The following KANK1 variants were observed in gnomAD, a reference collection of about 807,000 sequenced individuals.
KANK1 encodes KN motif and ankyrin repeat domain-containing protein 1.
In KANK1, 109 loss-of-function variants were observed where a neutral mutation model predicts 106.2. The observed-to-expected ratio is 1.03, with a 90% CI of 0.88 to 1.20. The LOEUF (loss-of-function observed/expected upper bound fraction) is 1.20. Ranked by LOEUF, KANK1 falls within the 50% of genes most tolerant of loss-of-function variation. KANK1 has a pLI of 0.00. For synonymous variants in KANK1, 873 were observed against 652.2 expected, an observed-to-expected ratio of 1.34 and a Z score of -5.16; for missense variants, 2,399 against 1,710.7, an observed-to-expected ratio of 1.40 and a Z score of -7.10.
chr9:558,604 G>A (rs1333042400), intron 1 of KANK1, among the ~76,000 whole-genome samples: 2 of 151,822 alleles, frequency 1.3e-5, no homozygotes, highest in African/African-American at 4.8e-5. Context: ...TCATGGCCTT[G>A]TTGTGATTAA....
At chr9:680,366 A>G (rs1476291952) in intron 2 of KANK1, among the ~76,000 whole-genome samples, 2 of 149,598 alleles carry the variant, frequency 1.3e-5, no homozygotes, top group African/African-American at 4.9e-5. Context: ...ACAACCTTTT[A>G]TACTCTGACT....
chr9:545,551 G>A (rs1469961150), intron 1 of KANK1, among the ~76,000 whole-genome samples: 1 of 152,014 alleles, frequency 6.6e-6, no homozygotes, highest in African/African-American at 2.4e-5. Context: ...TGGACAGAAA[G>A]GGTGGAGGAA....
intron 1 of KANK1, among the ~76,000 whole-genome samples, chr9:579,260 G>C (rs373653868): frequency 6.6e-6 from 1 of 152,130 alleles, no homozygotes; most frequent in African/African-American, 2.4e-5. Flanking sequence ...GCACAGCTGG[G>C]TATTAGCTTG....
At chr9:679,945 T>C (rs1817200728) in intron 2 of KANK1, among the ~76,000 whole-genome samples, 1 of 152,104 alleles carries the variant, frequency 6.6e-6, no homozygotes, top group Admixed American at 6.5e-5. Flanking sequence ...ATGTAAGAGA[T>C]GCGGGTTATA....
intron 1 of KANK1, among the ~76,000 whole-genome samples, chr9:515,526 T>G (rs890586214): frequency 6.6e-6 from 1 of 151,818 alleles, no homozygotes; most frequent in African/African-American, 2.4e-5. Context: ...CAGAAGTTTA[T>G]GGATAACTCT....
At chr9:525,341 G>A (rs2059739992) in intron 1 of KANK1, among the ~76,000 whole-genome samples, 1 of 139,476 alleles carries the variant, frequency 7.2e-6, no homozygotes. Context: ...GACAGAATAT[G>A]TATACATACG....
intron 1 of KANK1, among the ~76,000 whole-genome samples, chr9:560,236 G>A (rs1358679730): frequency 1.3e-5 from 2 of 152,200 alleles, no homozygotes; most frequent in East Asian, 3.8e-4. Flanking sequence ...GTTGTTGTTA[G>A]AGGATATCAG....
intron 1 of KANK1, among the ~76,000 whole-genome samples, chr9:504,964 G>C (rs1175847479): frequency 2.0e-5 from 3 of 150,968 alleles, no homozygotes; most frequent in Non-Finnish European, 4.4e-5. Flanking sequence ...CGGTCCTGGG[G>C]GGGGGTCCGA....
At chr9:702,999 T>A (rs1384457609) in intron 2 of KANK1, among the ~76,000 whole-genome samples, 1 of 152,134 alleles carries the variant, frequency 6.6e-6, no homozygotes, top group Admixed American at 6.5e-5. Context: ...TGTTGTTTTT[T>A]GGGGTTTTTT....
In KANK1 at chr9:516,245, C is replaced by A. The variant is rs1359122458; in HGVS notation, c.-84+11491C>A. On this transcript the variant is annotated intron_variant, in intron 1 of 11. Transcript: ENST00000382297. ...TGACCTTGGAGGCAGAATAAGATTTCTCTGCCTCCAGAGACACCAAACTTT... is the reference window on the plus strand; with the variant it reads ...TGACCTTGGAGGCAGAATAAGATTTATCTGCCTCCAGAGACACCAAACTTT... Among the ~76,000 whole-genome samples the A allele has an allele frequency of 2.0e-5, 3 of 151,534 alleles. 1 individual carries two copies. Among genetic ancestry groups the A allele is most frequent in the African/African-American group, 7.3e-5 (3 of 40,878 alleles).
chr9:584,365 A>G (rs893612100), intron 1 of KANK1, among the ~76,000 whole-genome samples: 1 of 152,194 alleles, frequency 6.6e-6, no homozygotes, highest in African/African-American at 2.4e-5. Flanking sequence ...ACAAAGTGCT[A>G]ATTATCCTCA....
intron 2 of KANK1, among the ~76,000 whole-genome samples, chr9:683,116 G>A (rs770801828): frequency 3.9e-5 from 6 of 152,146 alleles, no homozygotes; most frequent in African/African-American, 9.7e-5. Flanking sequence ...GTGTGCGCCC[G>A]TGGTGGTGAG....
At chr9:506,598 C>G (rs1380491084) in intron 1 of KANK1, among the ~76,000 whole-genome samples, 1 of 152,000 alleles carries the variant, frequency 6.6e-6, no homozygotes, top group Non-Finnish European at 1.5e-5. Flanking sequence ...AAAGACTAGG[C>G]TTAAAAGTAA....
In KANK1 at chr9:652,283, G is replaced by C. The variant is rs141844591; in HGVS notation, c.-83-24607G>C. ...CTCCTGTAATCCCAGCACTTTGGGAGGCTAAGGCGGGTGGATCATCTGAGG... is the reference window on the plus strand; with the variant it reads ...CTCCTGTAATCCCAGCACTTTGGGACGCTAAGGCGGGTGGATCATCTGAGG... On this transcript the variant is annotated intron_variant, in intron 1 of 11. Coordinates refer to ENST00000382297, the MANE Select transcript of KANK1 (RefSeq NM_015158.5). Among the ~76,000 whole-genome samples the C allele has an allele frequency of 9.1e-3, 1,391 of 152,284 alleles. 11 individuals carry two copies. Among genetic ancestry groups the C allele is most frequent in the Non-Finnish European group, 0.016 (1,075 of 68,028 alleles).
intron 1 of KANK1, among the ~76,000 whole-genome samples, chr9:551,405 C>G (rs558621403): frequency 6.6e-6 from 1 of 152,026 alleles, no homozygotes; most frequent in Non-Finnish European, 1.5e-5. Flanking sequence ...AGTTTAAATT[C>G]AGAGGGTCCG....
intron 1 of KANK1, among the ~76,000 whole-genome samples, chr9:666,535 A>G (rs1844626853): frequency 6.6e-6 from 1 of 152,106 alleles, no homozygotes; most frequent in Non-Finnish European, 1.5e-5. Flanking sequence ...CTTAGTGGAA[A>G]GCCTTTTAGG....
chr9:585,370 A>G (rs1380782783), intron 1 of KANK1, among the ~76,000 whole-genome samples: 1 of 152,212 alleles, frequency 6.6e-6, no homozygotes, highest in Non-Finnish European at 1.5e-5. Context: ...CTTAGAATTC[A>G]TATCTGGCTT....
Position 693,703 on chromosome 9 carries a change from G to T in KANK1, c.37+16694G>T, listed in dbSNP as rs575339045. 5 of 985,314 alleles carry T rather than the reference G, an allele frequency of 5.1e-6. No homozygotes were observed. The African/African-American group carries it at 7.0e-5, about 14-fold the overall frequency. 61.0% of individuals were successfully genotyped at this position (985,314 alleles called of 1,614,324 possible). Reference sequence around the variant, plus strand: ...CTGGGCTCTTTGCCTGCTAATGTGTGGAGTCCCTTTAATGCTGAGGGAAGT... The same window carrying T: ...CTGGGCTCTTTGCCTGCTAATGTGTTGAGTCCCTTTAATGCTGAGGGAAGT... On this transcript the variant is annotated intron_variant, in intron 2 of 11. Coordinates refer to ENST00000382297, the MANE Select transcript of KANK1 (RefSeq NM_015158.5).
Position 712,661 on chromosome 9 carries a change from A to G in KANK1, c.1895A>G (p.Asp632Gly), listed in dbSNP as rs779191636. The G allele has an allele frequency of 9.3e-6, 15 of 1,613,956 alleles. No homozygotes were observed. The South Asian group carries it at 1.6e-4, about 18-fold the overall frequency. The change falls in exon 3 of 12, where the codon GAT becomes GGT. Residue 632 changes from aspartate (D) to glycine (G), a missense_variant. By Grantham distance (94) the Asp-to-Gly change is moderately conservative (BLOSUM62 -1). Coordinates refer to ENST00000382297, the MANE Select transcript of KANK1 (RefSeq NM_015158.5). Reference sequence around the variant, plus strand: ...GAAGTGCGGTCTATCGGTTGTGGAGATTGTTCTGTTGACGTGACCGTCTGC... The same window carrying G: ...GAAGTGCGGTCTATCGGTTGTGGAGGTTGTTCTGTTGACGTGACCGTCTGC... The part of the protein sequence containing the change: ...LKEVRSIGCG[D>G]CSVDVTVCSP...
Sources: allele counts gnomAD v4.1 joint callset (sites outside exome capture counted in the v4.1 genomes callset), GRCh38; gene constraint gnomAD v4.1.1; transcripts MANE v1.5; gene names NCBI Gene and HGNC (gene_info 2026-07-23, HGNC 2026-07-21).